PRR33: variants seen among roughly 807,000 people sequenced by gnomAD.
PRR33 encodes the protein proline-rich protein 33.
PRR33 carries 1 observed loss-of-function variant against 0.5 expected under a neutral mutation model. The observed-to-expected ratio is 2.18, with a 90% CI of 0.77 to 10.34. The LOEUF is 10.34. Among genes scored for constraint, PRR33 ranks in the 30% most tolerant of loss-of-function variants. The probability of loss-of-function intolerance (pLI) is 0.13; values close to 1 mark genes in which losing one functional copy is unlikely to be tolerated. For synonymous variants in PRR33, 226 were observed against 110.0 expected, an observed-to-expected ratio of 2.06 and a Z score of -6.60; for missense variants, 552 against 251.8, an observed-to-expected ratio of 2.19 and a Z score of -8.07.
At chr11:1,916,385 G>A in the PRR33 span, among the ~76,000 whole-genome samples, 6 of 152,022 alleles carry the variant, frequency 3.9e-5, no homozygotes, top group Admixed American at 1.3e-4. Context: ...GCAAAACCTC[G>A]ACAGAGCCAC....
chr11:1,897,596 T>C, the PRR33 span, among the ~76,000 whole-genome samples: 1 of 152,214 alleles, frequency 6.6e-6, no homozygotes, highest in African/African-American at 2.4e-5. This position sits in a 1 kb window ranked among gnomAD's most constrained non-coding sequence, Gnocchi z 4.0. Flanking sequence ...CAATGGCCTC[T>C]TATAATTTTG....
chr11:1,894,373 G>A (rs1459180434), upstream of PRR33, among the ~76,000 whole-genome samples: 5 of 152,046 alleles, frequency 3.3e-5, no homozygotes, highest in African/African-American at 4.8e-5. Flanking sequence ...AGCTGGGACC[G>A]CAGGTGCCCA....
chr11:1,907,181 T>G, the PRR33 span, among the ~76,000 whole-genome samples: 1 of 152,242 alleles, frequency 6.6e-6, no homozygotes, highest in Non-Finnish European at 1.5e-5. Context: ...GTGTTGCTGT[T>G]TGGTTGTTTC....
chr11:1,910,695 A>G, the PRR33 span, among the ~76,000 whole-genome samples: 19 of 152,210 alleles, frequency 1.2e-4, no homozygotes, highest in Admixed American at 1.2e-3. Context: ...GATCCCATCA[A>G]TGGTTGCAAA....
At chr11:1,912,474 T>C in the PRR33 span, among the ~76,000 whole-genome samples, 1 of 152,238 alleles carries the variant, frequency 6.6e-6, no homozygotes, top group African/African-American at 2.4e-5. Flanking sequence ...CACCACAATG[T>C]CATCTCTGCA....
the PRR33 span, among the ~76,000 whole-genome samples, chr11:1,903,611 G>A: frequency 3.3e-5 from 5 of 152,188 alleles, no homozygotes; most frequent in African/African-American, 4.8e-5. Context: ...ACATCCCACC[G>A]TAATTTTCAT....
chr11:1,891,386 G>T, exon 1 of PRR33: 1 of 152,458 alleles, frequency 6.6e-6, no homozygotes, highest in Non-Finnish European at 1.5e-5. Context: ...CAAGAACAGA[G>T]CTGCTGGAGG....
chr11:1,917,129 C>G, the PRR33 span, among the ~76,000 whole-genome samples: 4 of 152,242 alleles, frequency 2.6e-5, no homozygotes, highest in African/African-American at 9.6e-5. Flanking sequence ...AGTGCTGTGT[C>G]AGCTGCTCCT....
the PRR33 span, among the ~76,000 whole-genome samples, chr11:1,898,338 C>A: frequency 6.6e-6 from 1 of 152,120 alleles, no homozygotes; most frequent in Admixed American, 6.5e-5. Flanking sequence ...TGGGTTCAAG[C>A]GATTCTCCTG....
At chr11:1,906,363 G>A in the PRR33 span, among the ~76,000 whole-genome samples, 2 of 152,046 alleles carry the variant, frequency 1.3e-5, no homozygotes, top group Non-Finnish European at 2.9e-5. Context: ...GTTGACTTGG[G>A]TTTTTAGTTG....
chr11:1,915,425 C>T, the PRR33 span, among the ~76,000 whole-genome samples: 6 of 144,842 alleles, frequency 4.1e-5, no homozygotes, highest in South Asian at 1.1e-3. Context: ...TGTGCGGTCA[C>T]GCACCTGGGA....
the PRR33 span, chr11:1,903,331 G>C: frequency 7.0e-6 from 1 of 143,684 alleles, no homozygotes; most frequent in South Asian, 2.5e-4. Context: ...GGGGGTGGGG[G>C]GCGGGTGTCT....
chr11:1,890,846 C>A, exon 1 of PRR33: 1 of 534,138 alleles, frequency 1.9e-6, no homozygotes, highest in Non-Finnish European at 3.4e-6. Context: ...GGGGCTAGAA[C>A]CTGCCTCCAG....
the PRR33 span, among the ~76,000 whole-genome samples, chr11:1,901,998 C>T: frequency 6.6e-6 from 1 of 151,856 alleles, no homozygotes; most frequent in African/African-American, 2.4e-5. Flanking sequence ...TTTGGGAGGC[C>T]GAGGCGGGTG....
At chr11:1,889,682 G>C in exon 1 of PRR33, 1 of 635,422 alleles carries the variant, frequency 1.6e-6, no homozygotes, top group Non-Finnish European at 2.9e-6. Flanking sequence ...CAGCGGCGGG[G>C]CCAGCCATCG....
chr11:1,897,437 T>C, the PRR33 span, among the ~76,000 whole-genome samples: 10 of 152,188 alleles, frequency 6.6e-5, no homozygotes, highest in Non-Finnish European at 1.5e-4. The surrounding 1 kb of genome is among the most constrained non-coding windows in gnomAD (Gnocchi z 4.0). Context: ...TGCTGGAATT[T>C]CATGTGCTCA....
the PRR33 span, among the ~76,000 whole-genome samples, chr11:1,899,574 A>G: frequency 6.6e-6 from 1 of 152,192 alleles, no homozygotes; most frequent in Non-Finnish European, 1.5e-5. Flanking sequence ...GGACTATTTC[A>G]TAAGGCACCA....
At position 1,889,797 on chromosome 11, in the gene PRR33, C is replaced by G. The variant is rs1180095683; in HGVS notation, c.788G>C (p.Ser263Thr). 3.1e-5 allele frequency: 20 copies of G among 643,718 alleles called. 1 individual carries two copies. In the South Asian group the frequency reaches 3.2e-4, roughly 10 times the overall value. 39.9% of individuals were successfully genotyped at this position (643,718 alleles called of 1,614,324 possible). A position where few individuals can be genotyped will look rare whatever the true frequency, so the allele number is the denominator to read the frequency against. The change falls in exon 1 of 1, where the codon AGT becomes ACT. Residue 263 changes from serine (S) to threonine (T), a missense_variant. By Grantham distance (58) the Ser-to-Thr change is moderately conservative. Coordinates refer to ENST00000640310, the Ensembl canonical transcript of PRR33. The stretch of plus-strand genomic sequence containing the variant: ...GGCTATGGGCACCACAACCCTGGCA[C>G]TAGCCTCTCTGGGCACTGAGGCCTG...
chr11:1,915,258 T>C, the PRR33 span, among the ~76,000 whole-genome samples: 1 of 151,116 alleles, frequency 6.6e-6, no homozygotes, highest in Non-Finnish European at 1.5e-5. Flanking sequence ...TATGTGTGTG[T>C]GTTCTGGGAT....
Sources: gnomAD v4.1 joint callset for allele counts (sites outside exome capture counted in the v4.1 genomes callset) on GRCh38, gnomAD v4.1.1 for gene constraint, Gnocchi (gnomAD v3.1) non-coding constraint, MANE v1.5 for transcripts, NCBI Gene and HGNC (gene_info 2026-07-23, HGNC 2026-07-21) for gene names.